The following MAPK10 variants were observed in gnomAD, a reference collection of about 807,000 sequenced individuals.
MAPK10 encodes JNK3 alpha protein kinase.
Under a neutral mutation model 59.3 loss-of-function variants are expected in MAPK10, and 25 were observed. That is an observed-to-expected ratio of 0.42 (90% CI 0.31 to 0.59). The LOEUF is 0.59. Among genes scored for constraint, MAPK10 ranks in the 20% least tolerant of loss-of-function variants. MAPK10 has a pLI of 0.15. For missense variants in MAPK10, 351 were observed against 568.9 expected, an observed-to-expected ratio of 0.62 and a Z score of 3.90; for synonymous variants, 190 against 200.5, an observed-to-expected ratio of 0.95 and a Z score of 0.44.
chr4:86,308,617 C>A (rs1172665088), intron 2 of MAPK10: 5 of 152,032 alleles, frequency 3.3e-5, no homozygotes, highest in African/African-American at 1.2e-4. Context: ...ATAAATAGTC[C>A]ATTTAGATGC....
At chr4:86,390,220 T>C (rs1471415694) in intron 1 of MAPK10, among the ~76,000 whole-genome samples, 1 of 152,190 alleles carries the variant, frequency 6.6e-6, no homozygotes, top group Non-Finnish European at 1.5e-5. Flanking sequence ...TATATGCAGG[T>C]AGATTGTATT....
At chr4:86,396,761 T>C (rs1026250217) in intron 1 of MAPK10, among the ~76,000 whole-genome samples, 2 of 152,100 alleles carry the variant, frequency 1.3e-5, no homozygotes, top group Non-Finnish European at 2.9e-5. Flanking sequence ...CACATAATTT[T>C]AAACAACACA....
intron 9 of MAPK10, among the ~76,000 whole-genome samples, chr4:86,070,055 T>G (rs545820984): frequency 6.6e-6 from 1 of 152,190 alleles, no homozygotes; most frequent in Non-Finnish European, 1.5e-5. Context: ...TACCTTAGGT[T>G]GCTTTTAAAT....
chr4:86,338,184 C>G (rs1324138353), intron 2 of MAPK10, among the ~76,000 whole-genome samples: 1 of 152,154 alleles, frequency 6.6e-6, no homozygotes, highest in Non-Finnish European at 1.5e-5. Flanking sequence ...CGGCCAGACG[C>G]AGGTTTTTCC....
chr4:86,115,076 C>G (rs1354252216), intron 4 of MAPK10, among the ~76,000 whole-genome samples: 2 of 152,214 alleles, frequency 1.3e-5, no homozygotes, highest in African/African-American at 4.8e-5. Flanking sequence ...CCACCCCTTC[C>G]CCAGGCACTC....
upstream of MAPK10, among the ~76,000 whole-genome samples, chr4:86,457,605 G>C (rs1751348633): frequency 6.6e-6 from 1 of 152,046 alleles, no homozygotes; most frequent in African/African-American, 2.4e-5. Context: ...TAACCAAGGA[G>C]GTAAAAGACC....
chr4:86,410,232 T>C (rs1252342512), intron 1 of MAPK10, among the ~76,000 whole-genome samples: 1 of 152,260 alleles, frequency 6.6e-6, no homozygotes, highest in Non-Finnish European at 1.5e-5. Context: ...GAACCAGCCT[T>C]GCATCCCAGG....
intron 2 of MAPK10, among the ~76,000 whole-genome samples, chr4:86,276,511 G>C (rs2094581199): frequency 6.6e-6 from 1 of 152,126 alleles, no homozygotes; most frequent in Non-Finnish European, 1.5e-5. Flanking sequence ...AGATAGATAA[G>C]CAGTCACTGG....
intron 11 of MAPK10, among the ~76,000 whole-genome samples, chr4:86,037,115 T>C (rs1012423421): frequency 6.6e-6 from 1 of 152,236 alleles, no homozygotes; most frequent in Non-Finnish European, 1.5e-5. Context: ...TTCTGCATAA[T>C]AAATCTATAG....
At chr4:86,322,610 CTAAG>C (rs759475202) in intron 2 of MAPK10, among the ~76,000 whole-genome samples, 1 of 152,288 alleles carries the variant, frequency 6.6e-6, no homozygotes, top group South Asian at 2.1e-4. Context: ...GTTTGTATGA[CTAAG>C]TGCCCAGTTC....
intron 2 of MAPK10, among the ~76,000 whole-genome samples, chr4:86,312,296 A>C (rs1392509774): frequency 1.3e-5 from 2 of 152,116 alleles, no homozygotes. Context: ...ATCACTAGTA[A>C]TTCTATTTAG....
intron 11 of MAPK10, among the ~76,000 whole-genome samples, chr4:86,048,624 A>G (rs1479195721): frequency 3.9e-5 from 6 of 152,146 alleles, no homozygotes; most frequent in Admixed American, 3.3e-4. Context: ...ACATGAATCA[A>G]TAAGGAGTCA....
chr4:86,408,967 G>A (rs1258210447), intron 1 of MAPK10, among the ~76,000 whole-genome samples: 1 of 152,074 alleles, frequency 6.6e-6, no homozygotes, highest in South Asian at 2.1e-4. Context: ...TAGTCATGAC[G>A]TCTTTGCCCA....
chr4:86,434,716 A>G (rs1347205893), intron 1 of MAPK10, among the ~76,000 whole-genome samples: 2 of 152,256 alleles, frequency 1.3e-5, no homozygotes. Flanking sequence ...TAGTACAGCC[A>G]CTATGGAGGA....
At chr4:86,020,372 A>G (rs915582602) in intron 13 of MAPK10, 5 of 152,228 alleles carry the variant, frequency 3.3e-5, no homozygotes, top group African/African-American at 1.2e-4. Flanking sequence ...CTTTTTGGCT[A>G]TTACAAATAA....
intron 11 of MAPK10, among the ~76,000 whole-genome samples, chr4:86,058,990 G>T (rs148123458): frequency 2.0e-5 from 3 of 152,266 alleles, no homozygotes; most frequent in African/African-American, 7.2e-5. Flanking sequence ...GAATGCTGAT[G>T]TTTGCTGAAC....
chr4:86,576,841 T>A (rs2149110552), intron 1 of MAPK10, among the ~76,000 whole-genome samples: 1 of 151,702 alleles, frequency 6.6e-6, no homozygotes, highest in South Asian at 2.1e-4. Flanking sequence ...TAGACGAAGG[T>A]TTTAGGATAA....
intron 9 of MAPK10, among the ~76,000 whole-genome samples, chr4:86,074,287 C>G (rs1052232421): frequency 7.6e-5 from 11 of 145,012 alleles, no homozygotes; most frequent in Non-Finnish European, 1.4e-4. Flanking sequence ...CTATGTGTGT[C>G]TCTGCACGTG....
At chr4:86,033,229 A>G (rs35279016) in intron 11 of MAPK10, among the ~76,000 whole-genome samples, 2 of 152,268 alleles carry the variant, frequency 1.3e-5, no homozygotes, top group Non-Finnish European at 2.9e-5. Context: ...GGTTTTGTAA[A>G]GACGCTTTGC....
Sources: gnomAD v4.1 joint callset for allele counts (sites outside exome capture counted in the v4.1 genomes callset) on GRCh38, gnomAD v4.1.1 for gene constraint, MANE v1.5 for transcripts, NCBI Gene and HGNC (gene_info 2026-07-23, HGNC 2026-07-21) for gene names.